Variants in OXCT1 observed in about 807,000 individuals in gnomAD.
OXCT1 encodes succinyl-CoA:3-ketoacid coenzyme A transferase 1, mitochondrial.
Under a neutral mutation model 69.6 loss-of-function variants are expected in OXCT1, and 27 were observed. The observed-to-expected ratio is 0.39, with a 90% CI of 0.29 to 0.54. OXCT1 has a LOEUF of 0.54. OXCT1 is among the 20% of genes least tolerant of loss of function. The pLI, the probability that OXCT1 is intolerant of heterozygous loss-of-function variation, is 0.72. For synonymous variants in OXCT1, 202 were observed against 217.8 expected (o/e 0.93, Z 0.64); for missense variants, 437 against 650.2 (o/e 0.67, Z 3.57).
At chr5:41,808,356 T>C (rs2112282932) in intron 7 of OXCT1, among the ~76,000 whole-genome samples, 1 of 152,168 alleles carries the variant, frequency 6.6e-6, no homozygotes, top group Admixed American at 6.5e-5. Flanking sequence ...AGGATAGTAG[T>C]ATTGATTTTT....
intron 11 of OXCT1, among the ~76,000 whole-genome samples, chr5:41,800,106 G>A (rs1214001251): frequency 6.6e-6 from 1 of 152,006 alleles, no homozygotes; most frequent in Non-Finnish European, 1.5e-5. Flanking sequence ...CAGTGAAGAT[G>A]GCCAAAAGAC....
intron 1 of OXCT1, among the ~76,000 whole-genome samples, chr5:41,866,084 G>T (rs1749960476): frequency 7.1e-6 from 1 of 140,410 alleles, no homozygotes; most frequent in Admixed American, 7.8e-5. Context: ...AACATATTCT[G>T]ATGTTATATA....
chr5:41,862,751 C>T lies in OXCT1; in HGVS notation c.79-1G>A. ...TGGTGGAAAAGGAACAAACACATCC[C>T]TGAAATATTAAAAAAAAAAAATTGA... On this transcript the variant is annotated splice_acceptor_variant, in intron 1 of 16. Coordinates refer to ENST00000196371, the MANE Select transcript of OXCT1 (RefSeq NM_000436.4). LOFTEE classifies it high-confidence loss of function. 6.3e-7 allele frequency: 1 copy of T among 1,589,590 alleles called. No individual in the cohort carries two copies. The highest frequency in any genetic ancestry group is 8.6e-7 in the Non-Finnish European group (1 of 1,158,618).
At chr5:41,793,195 C>G (rs773711627) in intron 13 of OXCT1, among the ~76,000 whole-genome samples, 3 of 152,094 alleles carry the variant, frequency 2.0e-5, no homozygotes, top group African/African-American at 4.8e-5. Context: ...TATCATAGAC[C>G]ACCAGCCTCA....
intron 15 of OXCT1, 30 bp downstream of exon 15, chr5:41,749,497 C>T (rs1743660929): frequency 7.0e-7 from 1 of 1,426,234 alleles, no homozygotes; most frequent in Non-Finnish European, 9.9e-7. Context: ...TTACTTAAAA[C>T]ATGGTAATAG....
At chr5:41,775,072 A>G (rs2112154765) in intron 13 of OXCT1, among the ~76,000 whole-genome samples, 1 of 152,262 alleles carries the variant, frequency 6.6e-6, no homozygotes, top group East Asian at 1.9e-4. Context: ...TACTTCTTCA[A>G]CTGTTTATAC....
chr5:41,817,807 C>A (rs895958782), intron 7 of OXCT1, among the ~76,000 whole-genome samples: 1 of 152,132 alleles, frequency 6.6e-6, no homozygotes, highest in African/African-American at 2.4e-5. Flanking sequence ...AAAAGGCACA[C>A]CTTGAGATAA....
At chr5:41,836,629 C>A (rs756684069) in intron 7 of OXCT1, among the ~76,000 whole-genome samples, 1 of 152,048 alleles carries the variant, frequency 6.6e-6, no homozygotes, top group Admixed American at 6.6e-5. Context: ...GATCATCAGG[C>A]GTTAGTTAGA....
At chr5:41,780,681 A>G (rs1216981231) in intron 13 of OXCT1, among the ~76,000 whole-genome samples, 1 of 152,226 alleles carries the variant, frequency 6.6e-6, no homozygotes, top group East Asian at 1.9e-4. Context: ...CCTTTATATT[A>G]GCAATAGACA....
At chr5:41,770,396 A>T (rs1368460202) in intron 13 of OXCT1, among the ~76,000 whole-genome samples, 1 of 152,228 alleles carries the variant, frequency 6.6e-6, no homozygotes, top group Non-Finnish European at 1.5e-5. Context: ...GACATTTTTT[A>T]AATATCTTCT....
chr5:41,747,298 GACT>G (rs1029258360), intron 15 of OXCT1, among the ~76,000 whole-genome samples: 2 of 152,062 alleles, frequency 1.3e-5, no homozygotes. Flanking sequence ...ATACCTCTGT[GACT>G]ACATGTTTTC....
chr5:41,800,933 C>T (rs1579764445), intron 11 of OXCT1, 89 bp downstream of exon 11: 1 of 1,137,984 alleles, frequency 8.8e-7, no homozygotes, highest in East Asian at 2.4e-5. Context: ...GGAGTGCTCT[C>T]CAGGAAAAGA....
intron 15 of OXCT1, among the ~76,000 whole-genome samples, chr5:41,743,189 T>C (rs1247727801): frequency 2.0e-5 from 3 of 152,240 alleles, no homozygotes; most frequent in East Asian, 1.9e-4. Context: ...TGTGAGATGG[T>C]ATCTCATTGT....
chr5:41,790,851 T>G (rs115152395), intron 13 of OXCT1, among the ~76,000 whole-genome samples: 87 of 152,274 alleles, frequency 5.7e-4, no homozygotes, highest in African/African-American at 2.0e-3. Flanking sequence ...AAAAAAAATG[T>G]GTCCTCAAAG....
intron 7 of OXCT1, among the ~76,000 whole-genome samples, chr5:41,833,760 G>C (rs1299970740): frequency 6.6e-6 from 1 of 152,060 alleles, no homozygotes; most frequent in East Asian, 1.9e-4. Flanking sequence ...TAGGGGTGAA[G>C]TAAAAGTGTA....
At chr5:41,754,045 T>A (rs1561364045) in intron 14 of OXCT1, among the ~76,000 whole-genome samples, 1 of 152,028 alleles carries the variant, frequency 6.6e-6, no homozygotes, top group Non-Finnish European at 1.5e-5. Flanking sequence ...AACATACAAA[T>A]GTGAAAGTTA....
intron 14 of OXCT1, among the ~76,000 whole-genome samples, chr5:41,757,699 C>T (rs1190372741): frequency 3.3e-5 from 5 of 152,048 alleles, no homozygotes. Context: ...CCAGCAAATT[C>T]ATAAAACATT....
intron 7 of OXCT1, among the ~76,000 whole-genome samples, chr5:41,813,892 T>C (rs1374717985): frequency 6.6e-6 from 1 of 152,140 alleles, no homozygotes; most frequent in African/African-American, 2.4e-5. Flanking sequence ...GTAGCAAGAA[T>C]AGTTGTATTT....
At chr5:41,832,028 C>A (rs1748122526) in intron 7 of OXCT1, among the ~76,000 whole-genome samples, 1 of 152,274 alleles carries the variant, frequency 6.6e-6, no homozygotes, top group South Asian at 2.1e-4. Flanking sequence ...ACCTCAGGAG[C>A]ACCAAATTTT....
Sources: gnomAD v4.1 joint callset for allele counts (sites outside exome capture counted in the v4.1 genomes callset) on GRCh38, gnomAD v4.1.1 for gene constraint, MANE v1.5 for transcripts, NCBI Gene and HGNC (gene_info 2026-07-23, HGNC 2026-07-21) for gene names.